The following TENM4 variants were observed in gnomAD, a reference collection of about 807,000 sequenced individuals.
TENM4 encodes the protein teneurin transmembrane protein 4, also known as teneurin-4.
In TENM4, 82 loss-of-function variants were observed where a neutral mutation model predicts 243.3. That is an observed-to-expected ratio of 0.34 (90% confidence interval 0.28 to 0.40). TENM4 has a LOEUF of 0.40. Ranked by LOEUF, TENM4 falls within the 10% of genes least tolerant of loss-of-function variation. The pLI is 1.00. For synonymous variants in TENM4, 1,412 were observed against 1,456.3 expected (o/e 0.97, Z 0.69); for missense variants, 3,138 against 3,673.3 (o/e 0.85, Z 3.77).
At chr11:78,798,660 C>T (rs935520699) in intron 15 of TENM4, among the ~76,000 whole-genome samples, 1 of 152,170 alleles carries the variant, frequency 6.6e-6, no homozygotes, top group African/African-American at 2.4e-5. Context: ...CCTGCAGCTT[C>T]TATCTCCAGC....
intron 4 of TENM4, among the ~76,000 whole-genome samples, chr11:79,146,994 T>C (rs972830255): frequency 9.9e-5 from 15 of 152,128 alleles, no homozygotes; most frequent in Non-Finnish European, 1.9e-4. Flanking sequence ...CACGTGTGCA[T>C]GCACACACAT....
chr11:79,439,663 C>CCACACACACA lies in TENM4; in HGVS notation c.-321+836_-321+845dup, dbSNP rs141828517. Among the ~76,000 whole-genome samples the CCACACACACA allele has an allele frequency of 9.1e-3, 1,341 of 146,806 alleles. 9 individuals carry two copies. Among genetic ancestry groups the CCACACACACA allele is most frequent in the East Asian group, 0.019 (89 of 4,736 alleles). On this transcript the variant is annotated intron_variant, in intron 1 of 33. Transcript: ENST00000278550. Reference sequence around the variant, plus strand: ...GTATTCCTCGGTTGCGTGTGTGTGTCCACACACACACACACACACACACAC... The same window carrying CCACACACACA: ...GTATTCCTCGGTTGCGTGTGTGTGTCCACACACACACACACACACACACACACACACACAC...
At chr11:78,793,550 C>A (rs1723239996) in intron 15 of TENM4, among the ~76,000 whole-genome samples, 1 of 152,204 alleles carries the variant, frequency 6.6e-6, no homozygotes, top group African/African-American at 2.4e-5. Flanking sequence ...ACTAGCTCAT[C>A]TGAGTTACTG....
At chr11:78,786,774 G>A in intron 16 of TENM4, 124 bp downstream of exon 16, 2 of 1,366,952 alleles carry the variant, frequency 1.5e-6, no homozygotes, top group Non-Finnish European at 2.0e-6. Context: ...AATACCTCCA[G>A]ATGAAAGGAC....
At chr11:78,756,732 T>A (rs1856315299) in intron 19 of TENM4, 73 bp downstream of exon 19, 3 of 1,435,278 alleles carry the variant, frequency 2.1e-6, no homozygotes, top group Non-Finnish European at 2.9e-6. Context: ...CCCCCATTCA[T>A]CCAAAAGAGG....
At chr11:78,718,763 T>C (rs1859579560) in intron 25 of TENM4, among the ~76,000 whole-genome samples, 1 of 152,214 alleles carries the variant, frequency 6.6e-6, no homozygotes, top group Non-Finnish European at 1.5e-5. Context: ...AAAAAAATGT[T>C]CTCTTCTGAG....
chr11:78,848,874 A>T (rs965126075), intron 12 of TENM4, among the ~76,000 whole-genome samples: 2 of 152,104 alleles, frequency 1.3e-5, no homozygotes, highest in Admixed American at 6.5e-5. Flanking sequence ...AAAGAAACTA[A>T]ATCTGTTTCT....
At chr11:78,793,293 C>T (rs1044552486) in intron 15 of TENM4, among the ~76,000 whole-genome samples, 6 of 152,162 alleles carry the variant, frequency 3.9e-5, no homozygotes, top group Non-Finnish European at 1.5e-5. Flanking sequence ...AAGATCTGCA[C>T]GCCTTCCTGC....
intron 2 of TENM4, among the ~76,000 whole-genome samples, chr11:79,297,140 A>G (rs910112808): frequency 3.3e-5 from 5 of 152,192 alleles, no homozygotes; most frequent in African/African-American, 1.2e-4. Context: ...AGTTGGGTCT[A>G]TTGAAGGGAG....
intron 1 of TENM4, among the ~76,000 whole-genome samples, chr11:79,332,532 T>C (rs1165977964): frequency 6.6e-6 from 1 of 152,160 alleles, no homozygotes; most frequent in African/African-American, 2.4e-5. Context: ...CCGAAATCCA[T>C]CTGGGGGCTA....
chr11:78,941,063 C>T (rs1278694088), intron 6 of TENM4, among the ~76,000 whole-genome samples: 3 of 152,184 alleles, frequency 2.0e-5, no homozygotes, highest in Non-Finnish European at 4.4e-5. Context: ...AGGCATGTCC[C>T]CCGCAAGCCA....
chr11:79,080,254 G>A (rs1382487711), intron 4 of TENM4, among the ~76,000 whole-genome samples: 1 of 152,206 alleles, frequency 6.6e-6, no homozygotes, highest in Non-Finnish European at 1.5e-5. Context: ...GAGATCCTAG[G>A]GTAGACCCGG....
At chr11:79,239,598 G>A (rs1250037611) in intron 2 of TENM4, among the ~76,000 whole-genome samples, 1 of 152,158 alleles carries the variant, frequency 6.6e-6, no homozygotes, top group Non-Finnish European at 1.5e-5. Flanking sequence ...CATTGATAGG[G>A]ATGGTGCATC....
At chr11:79,414,415 C>T (rs1858769712) in intron 1 of TENM4, among the ~76,000 whole-genome samples, 1 of 152,210 alleles carries the variant, frequency 6.6e-6, no homozygotes, top group Admixed American at 6.5e-5. Flanking sequence ...TCCTGCCTCC[C>T]AATCCCAGAG....
At chr11:79,166,691 G>T (rs1329818077) in intron 3 of TENM4, among the ~76,000 whole-genome samples, 1 of 152,214 alleles carries the variant, frequency 6.6e-6, no homozygotes, top group East Asian at 1.9e-4. Flanking sequence ...CATTCAGTCG[G>T]TCTAGCTCAA....
Position 78,771,092 on chromosome 11 carries a change from G to A in TENM4, c.2439C>T (p.Asp813=), listed in dbSNP as rs1259681305. 3 of 1,574,830 alleles carry A rather than the reference G, an allele frequency of 1.9e-6. No homozygotes were observed. The highest frequency in any genetic ancestry group is 2.6e-6 in the Non-Finnish European group (3 of 1,160,094). Residue 813 remains aspartate (D), a synonymous_variant, in exon 18 of 34, where the codon GAC becomes GAT. Coordinates refer to ENST00000278550, the MANE Select transcript of TENM4 (RefSeq NM_001098816.3). The part of the protein sequence containing the change: ...LCNGNGRCTL[D]LNGWHCVCQL... ...GGCAGACGCAGTGCCAACCATTCAGGTCTAAGGTACATCTGCCGTTGCCAT... is the reference window on the plus strand; with the variant it reads ...GGCAGACGCAGTGCCAACCATTCAGATCTAAGGTACATCTGCCGTTGCCAT...
intron 6 of TENM4, among the ~76,000 whole-genome samples, chr11:79,058,552 A>AC (rs1860002344): frequency 6.6e-6 from 1 of 152,000 alleles, no homozygotes; most frequent in African/African-American, 2.4e-5. Flanking sequence ...TCAAAAAAAA[A>AC]AAAACAAAAA....
intron 15 of TENM4, among the ~76,000 whole-genome samples, chr11:78,794,428 G>A (rs769616034): frequency 6.6e-6 from 1 of 152,196 alleles, no homozygotes; most frequent in Non-Finnish European, 1.5e-5. Flanking sequence ...GGTAGGAGGC[G>A]GGAATCTCCC....
chr11:79,146,088 T>C (rs553156727), intron 4 of TENM4, among the ~76,000 whole-genome samples: 4 of 152,272 alleles, frequency 2.6e-5, no homozygotes, highest in East Asian at 3.9e-4. Flanking sequence ...TGTGGGTTAC[T>C]AGGTTACTCT....
Sources: gnomAD v4.1 joint callset for allele counts (sites outside exome capture counted in the v4.1 genomes callset) on GRCh38, gnomAD v4.1.1 for gene constraint, MANE v1.5 for transcripts, NCBI Gene and HGNC (gene_info 2026-07-23, HGNC 2026-07-21) for gene names.